Variants in COL5A2 observed in about 807,000 individuals in gnomAD.
The protein encoded by COL5A2 is collagen type V alpha 2 chain.
Under a neutral mutation model 208.2 loss-of-function variants are expected in COL5A2, and 23 were observed. That is an observed-to-expected ratio of 0.11 (90% confidence interval 0.08 to 0.16). The LOEUF (loss-of-function observed/expected upper bound fraction) is 0.16, where lower values mean the gene tolerates loss of function less well. Ranked by LOEUF, COL5A2 falls within the 10% of genes least tolerant of loss-of-function variation. The pLI is 1.00. For missense variants in COL5A2, 1,590 were observed against 1,956.4 expected (o/e 0.81, Z 3.53); for synonymous variants, 625 against 628.5 (o/e 0.99, Z 0.08).
chr2:189,217,726 T>C (rs1282353180), intron 1 of COL5A2, among the ~76,000 whole-genome samples: 1 of 152,092 alleles, frequency 6.6e-6, no homozygotes, highest in African/African-American at 2.4e-5. Flanking sequence ...TCTCTACGGG[T>C]GGTCCAGACA....
intron 16 of COL5A2, among the ~76,000 whole-genome samples, chr2:189,077,377 A>T (rs1686430353): frequency 6.6e-6 from 1 of 152,216 alleles, no homozygotes; most frequent in Admixed American, 6.5e-5. Context: ...AAAAAAACAG[A>T]ATACAAAGTT....
chr2:189,262,485 G>C, the COL5A2 span, among the ~76,000 whole-genome samples: 48 of 152,124 alleles, frequency 3.2e-4, 1 homozygote, highest in African/African-American at 1.0e-3. Flanking sequence ...GGGGTTGGCT[G>C]AAACTTTAAA....
the COL5A2 span, among the ~76,000 whole-genome samples, chr2:189,299,264 T>C: frequency 1.3e-5 from 2 of 151,880 alleles, no homozygotes; most frequent in East Asian, 1.9e-4. Context: ...TACAATTCCA[T>C]TGACTTTAAA....
chr2:189,130,246 G>A (rs560961526), intron 1 of COL5A2, among the ~76,000 whole-genome samples: 32 of 152,120 alleles, frequency 2.1e-4, no homozygotes, highest in Non-Finnish European at 4.4e-4. Context: ...TATGCTTTTA[G>A]ACTATTTACT....
Position 189,057,041 on chromosome 2 carries a change from A to C in COL5A2, c.2338-15T>G, listed in dbSNP as rs1463415336. 6 of 1,612,352 alleles carry C rather than the reference A, an allele frequency of 3.7e-6. No homozygotes were observed. The highest frequency in any genetic ancestry group is 5.1e-6 in the Non-Finnish European group (6 of 1,178,444). ...CCTATGCCACCCTGGGAAAACACAC[A>C]AAATACAATTGATTCATTTAATTGT... On this transcript the variant is annotated splice_polypyrimidine_tract_variant and intron_variant, in intron 34 of 53. Coordinates refer to ENST00000374866, the MANE Select transcript of COL5A2 (RefSeq NM_000393.5).
chr2:189,241,687 G>T, the COL5A2 span, among the ~76,000 whole-genome samples: 2 of 152,096 alleles, frequency 1.3e-5, no homozygotes, highest in Non-Finnish European at 1.5e-5. Flanking sequence ...CGTTGTTCGA[G>T]AAAATAATAA....
the COL5A2 span, among the ~76,000 whole-genome samples, chr2:189,279,325 C>T: frequency 2.0e-5 from 3 of 151,912 alleles, no homozygotes; most frequent in East Asian, 1.9e-4. Flanking sequence ...GAAACACAGA[C>T]TTCTAGATGA....
At chr2:189,218,161 T>C (rs1252203824) in intron 1 of COL5A2, among the ~76,000 whole-genome samples, 1 of 152,198 alleles carries the variant, frequency 6.6e-6, no homozygotes, top group African/African-American at 2.4e-5. Context: ...ATAACAGATA[T>C]AAGTTGCTGT....
the COL5A2 span, among the ~76,000 whole-genome samples, chr2:189,416,969 C>T: frequency 9.9e-5 from 15 of 151,782 alleles, no homozygotes; most frequent in African/African-American, 3.6e-4. Flanking sequence ...TTTTCTAAAT[C>T]TTTCATATGT....
upstream of COL5A2, among the ~76,000 whole-genome samples, chr2:189,230,133 T>C (rs749240918): frequency 4.6e-5 from 7 of 151,852 alleles, no homozygotes; most frequent in East Asian, 1.9e-4. Context: ...GATATTTTCA[T>C]GCAAAAGAAT....
the COL5A2 span, among the ~76,000 whole-genome samples, chr2:189,378,848 T>A: frequency 6.6e-6 from 1 of 152,198 alleles, no homozygotes; most frequent in Non-Finnish European, 1.5e-5. Context: ...TATGAGATAC[T>A]AAGTAATTAG....
chr2:189,205,554 A>T (rs1017549308), intron 1 of COL5A2, among the ~76,000 whole-genome samples: 3 of 152,204 alleles, frequency 2.0e-5, no homozygotes, highest in African/African-American at 7.2e-5. Flanking sequence ...TTTGATTCTT[A>T]TGTTCATAAC....
At chr2:189,073,194 TTCTC>T (rs1486481732) in intron 17 of COL5A2, among the ~76,000 whole-genome samples, 1 of 152,090 alleles carries the variant, frequency 6.6e-6, no homozygotes, top group Admixed American at 6.6e-5. Flanking sequence ...CTACAATACT[TTCTC>T]TCTTTCCCTC....
chr2:189,272,912 T>C, the COL5A2 span, among the ~76,000 whole-genome samples: 1 of 152,150 alleles, frequency 6.6e-6, no homozygotes, highest in Non-Finnish European at 1.5e-5. Flanking sequence ...CCACCAATTT[T>C]GTGAAATGAT....
At position 189,224,836 on chromosome 2, in the gene COL5A2, A is replaced by T. The variant is rs532211264; in HGVS notation, c.-42+312T>A. Among the ~76,000 whole-genome samples the T allele has an allele frequency of 3.3e-5, 5 of 151,530 alleles. No individual in the cohort carries two copies. In the East Asian group the frequency reaches 5.8e-4, roughly 18 times the overall value. ...CCATTAAGTGAAAGTAAGAACATATAAAAAAAAACTGGAGGAAATACTTGC... is the reference window on the plus strand; with the variant it reads ...CCATTAAGTGAAAGTAAGAACATATTAAAAAAAACTGGAGGAAATACTTGC... On this transcript the variant is annotated intron_variant, in intron 1 of 10. Coordinates refer to the COL5A2 transcript ENST00000649966.
At chr2:189,429,514 A>G in the COL5A2 span, among the ~76,000 whole-genome samples, 1 of 152,178 alleles carries the variant, frequency 6.6e-6, no homozygotes, top group African/African-American at 2.4e-5. Context: ...TTCATTGCTT[A>G]TTTCATTTAC....
chr2:189,439,179 C>T, the COL5A2 span, among the ~76,000 whole-genome samples: 1 of 152,090 alleles, frequency 6.6e-6, no homozygotes, highest in Non-Finnish European at 1.5e-5. Flanking sequence ...TTTGAGTTTC[C>T]CCTTGGCACA....
the COL5A2 span, among the ~76,000 whole-genome samples, chr2:189,361,054 G>C: frequency 6.6e-6 from 1 of 150,916 alleles, no homozygotes; most frequent in Non-Finnish European, 1.5e-5. Context: ...TCTGTGTGCT[G>C]TTGAGAAATA....
At chr2:189,191,893 GA>G (rs762869075) in intron 1 of COL5A2, among the ~76,000 whole-genome samples, 418 of 140,254 alleles carry the variant, frequency 3.0e-3, no homozygotes, top group African/African-American at 6.3e-3. Context: ...ACTCTTGTAA[GA>G]AAAAAAAAAA....
Sources: gnomAD v4.1 joint callset for allele counts (sites outside exome capture counted in the v4.1 genomes callset) on GRCh38, gnomAD v4.1.1 for gene constraint, MANE v1.5 for transcripts, NCBI Gene and HGNC (gene_info 2026-07-23, HGNC 2026-07-21) for gene names.